ZNF532: variants seen among roughly 807,000 people sequenced by gnomAD.
The protein encoded by ZNF532 is zinc finger protein 532.
In ZNF532, 22 loss-of-function variants were observed where a neutral mutation model predicts 89.3. That is an observed-to-expected ratio of 0.25 (90% CI 0.18 to 0.35). The LOEUF (loss-of-function observed/expected upper bound fraction) is 0.35. Among genes scored for constraint, ZNF532 ranks in the 10% least tolerant of loss-of-function variants. The pLI is 1.00. For synonymous variants in ZNF532, 606 were observed against 649.6 expected (o/e 0.93, Z 1.02); for missense variants, 1,132 against 1,643.4 (o/e 0.69, Z 5.38).
chr18:58,972,834 C>G (rs2066611010), intron 7 of ZNF532, among the ~76,000 whole-genome samples: 1 of 152,202 alleles, frequency 6.6e-6, no homozygotes, highest in African/African-American at 2.4e-5. Context: ...TTTGTTACTC[C>G]ATGATTACTT....
At chr18:58,933,482 C>A (rs1259101165) in intron 3 of ZNF532, among the ~76,000 whole-genome samples, 1 of 152,098 alleles carries the variant, frequency 6.6e-6, no homozygotes, top group African/African-American at 2.4e-5. Context: ...TTGAGACTTT[C>A]TTTGGCTTTA....
rs2060768311 is a variant in ZNF532, at chr18:58,918,484, A to G, written c.197A>G (p.Lys66Arg). Reference sequence around the variant, plus strand: ...GATGTGGGTGTCAGCGTTATCGTCAAGAATGTTCGGAACATTGACTCTTCC... The same window carrying G: ...GATGTGGGTGTCAGCGTTATCGTCAGGAATGTTCGGAACATTGACTCTTCC... ...SSDVGVSVIV[K>R]NVRNIDSSEG... Residue 66 changes from lysine (K) to arginine (R), a missense_variant, in exon 3 of 10, where the codon AAG becomes AGG. Physicochemically the swap from Lys to Arg is conservative, Grantham distance 26 (BLOSUM62 2). Around this residue, in one of 9 missense-constraint regions of ZNF532, gnomAD observed 302 missense variants for 319.8 expected, o/e 0.94. Transcript: ENST00000591808. 1 of 1,614,116 alleles carries G rather than the reference A, an allele frequency of 6.2e-7. No homozygotes were observed. The highest frequency in any genetic ancestry group is 1.3e-5 in the African/African-American group (1 of 74,956).
At chr18:58,891,197 G>C (rs934831827) in intron 2 of ZNF532, among the ~76,000 whole-genome samples, 4 of 152,052 alleles carry the variant, frequency 2.6e-5, no homozygotes, top group African/African-American at 9.7e-5. Context: ...GGGATCACAG[G>C]CATGAGCCAC....
intron 9 of ZNF532, among the ~76,000 whole-genome samples, chr18:58,982,827 T>G (rs1454051742): frequency 2.0e-5 from 3 of 151,342 alleles, no homozygotes; most frequent in African/African-American, 7.3e-5. Flanking sequence ...AAAGAATATG[T>G]GTGAAGCCAA....
intron 3 of ZNF532, among the ~76,000 whole-genome samples, chr18:58,923,539 T>C (rs544062779): frequency 4.9e-4 from 74 of 152,086 alleles, no homozygotes; most frequent in Admixed American, 1.3e-3. Context: ...CATGTGGCCA[T>C]GGGGGTTCTC....
At position 58,984,469 on chromosome 18, in the gene ZNF532, A is replaced by T. The variant is rs1388674115; in HGVS notation, c.*3A>T. The T allele has an allele frequency of 1.2e-6, 2 of 1,605,380 alleles. No individual in the cohort carries two copies. Among genetic ancestry groups the T allele is most frequent in the Admixed American group, 1.7e-5 (1 of 59,438 alleles). ...GGATGAGCTCAGCCGAGAAATAGCC[A>T]CAGATGCTCCATGAGGAAAATCCCT... On this transcript the variant is annotated 3_prime_UTR_variant, in exon 10 of 10. Coordinates refer to ENST00000591808, the MANE Select transcript of ZNF532 (RefSeq NM_001375912.1).
At chr18:58,979,554 A>G (rs1325847414) in intron 8 of ZNF532, 1 of 154,662 alleles carries the variant, frequency 6.5e-6, no homozygotes, top group African/African-American at 2.4e-5. Context: ...CACCCAGCTA[A>G]TTTTTGTATT....
chr18:58,941,802 TTTTC>T (rs1010632136), intron 5 of ZNF532, among the ~76,000 whole-genome samples: 22 of 151,836 alleles, frequency 1.4e-4, no homozygotes, highest in Non-Finnish European at 2.5e-4. Flanking sequence ...TTCTTTTCTC[TTTTC>T]TTTGTTTCTT....
intron 2 of ZNF532, among the ~76,000 whole-genome samples, chr18:58,904,838 CTTT>C (rs532227361): frequency 3.7e-5 from 5 of 135,116 alleles, no homozygotes; most frequent in Non-Finnish European, 6.5e-5. Flanking sequence ...CTATTTCTTT[CTTT>C]TTTTTTTTTT....
rs778636946 is a variant in ZNF532, at chr18:58,918,732, C to T, written c.445C>T (p.Pro149Ser). 9 of 1,613,954 alleles carry T rather than the reference C, an allele frequency of 5.6e-6. No individual in the cohort carries two copies. The highest frequency in any genetic ancestry group is 2.2e-5 in the East Asian group (1 of 44,876). The change falls in exon 3 of 10, where the codon CCC (proline) becomes TCC (serine). Residue 149 changes from proline (P) to serine (S), a missense_variant. By Grantham distance (74) the Pro-to-Ser change is moderately conservative. Coordinates refer to ENST00000591808, the MANE Select transcript of ZNF532 (RefSeq NM_001375912.1). ...CGACGAGAAGATTGAGGTGGATGAC[C>T]CCCCTGACAAGGAGGACATGCGATC... ...DDDEKIEVDDPPDKEDMRSSF... is the reference protein window; with the variant it reads ...DDDEKIEVDDSPDKEDMRSSF...
chr18:58,886,346 C>G (rs2058304484), intron 2 of ZNF532, among the ~76,000 whole-genome samples: 1 of 151,948 alleles, frequency 6.6e-6, no homozygotes, highest in Non-Finnish European at 1.5e-5. Flanking sequence ...AAAACGTATG[C>G]TTATTTTATT....
chr18:58,922,372 C>T (rs555427171), intron 3 of ZNF532, among the ~76,000 whole-genome samples: 5 of 152,236 alleles, frequency 3.3e-5, no homozygotes, highest in African/African-American at 1.2e-4. Context: ...ATCAAGAATA[C>T]CCCGGTAATT....
intron 3 of ZNF532, among the ~76,000 whole-genome samples, chr18:58,931,193 C>CT (rs1280528634): frequency 6.6e-6 from 1 of 152,018 alleles, no homozygotes; most frequent in African/African-American, 2.4e-5. Flanking sequence ...CTTTATTATG[C>CT]TTTTTTCTAT....
At chr18:58,933,822 T>C (rs1373033015) in intron 3 of ZNF532, among the ~76,000 whole-genome samples, 1 of 151,646 alleles carries the variant, frequency 6.6e-6, no homozygotes, top group Non-Finnish European at 1.5e-5. Context: ...TTTAATTTAA[T>C]GTCTAAATTT....
chr18:58,970,171 G>A (rs754431427), intron 7 of ZNF532, among the ~76,000 whole-genome samples: 5 of 152,138 alleles, frequency 3.3e-5, no homozygotes, highest in East Asian at 3.9e-4. Context: ...GGCGTGAGCC[G>A]CTGTGCCCAA....
intron 7 of ZNF532, among the ~76,000 whole-genome samples, chr18:58,975,372 T>G (rs1002622038): frequency 6.6e-6 from 1 of 152,332 alleles, no homozygotes; most frequent in Non-Finnish European, 1.5e-5. Context: ...TTGCCAGATC[T>G]GGGTATGAAG....
In ZNF532 at chr18:58,880,846, G is replaced by C. The variant is rs188633642; in HGVS notation, c.-18+15267G>C. 1.1e-4 allele frequency among the ~76,000 whole-genome samples: 17 copies of C among 150,500 alleles called. 1 individual carries two copies. The highest frequency in any genetic ancestry group is 3.4e-3 in the Middle Eastern group (1 of 290). On this transcript the variant is annotated intron_variant, in intron 2 of 9. Coordinates refer to ENST00000591808, the MANE Select transcript of ZNF532 (RefSeq NM_001375912.1). ...GCAAAATGCAAGTCTGGTTTATCTG[G>C]CCAATGTTAATTTTGGAAAAGATTA... is the stretch of plus-strand genomic sequence containing the variant.
At chr18:58,916,499 C>T (rs966692288) in intron 2 of ZNF532, among the ~76,000 whole-genome samples, 5 of 152,176 alleles carry the variant, frequency 3.3e-5, no homozygotes, top group Non-Finnish European at 5.9e-5. Flanking sequence ...CCCTCTGTTT[C>T]CGCAGGCGCC....
At chr18:58,880,340 C>T (rs1037980864) in intron 2 of ZNF532, among the ~76,000 whole-genome samples, 4 of 152,076 alleles carry the variant, frequency 2.6e-5, no homozygotes, top group African/African-American at 7.2e-5. Context: ...AGAGCAGTGC[C>T]GAAAAGTGGG....
Sources: allele counts gnomAD v4.1 joint callset (sites outside exome capture counted in the v4.1 genomes callset), GRCh38; gene constraint gnomAD v4.1.1; regional missense constraint gnomAD v4.1.1; transcripts MANE v1.5; gene names NCBI Gene and HGNC (gene_info 2026-07-23, HGNC 2026-07-21).